Variants in JCAD observed in about 807,000 individuals in gnomAD.
JCAD encodes junctional cadherin 5 associated.
JCAD carries 40 observed loss-of-function variants against 98.0 expected under a neutral mutation model. The ratio of observed to expected loss-of-function variants is 0.41; its 90% CI spans 0.32 to 0.53. The LOEUF (loss-of-function observed/expected upper bound fraction) is 0.53, where lower values mean the gene tolerates loss of function less well. Ranked by LOEUF, JCAD falls within the 20% of genes least tolerant of loss-of-function variation. The pLI, the probability that JCAD is intolerant of heterozygous loss-of-function variation, is 0.31. For synonymous variants in JCAD, 691 were observed against 682.3 expected (o/e 1.01, Z -0.20); for missense variants, 1,705 against 1,738.1 (o/e 0.98, Z 0.34).
At position 30,082,870 on chromosome 10, in the gene JCAD, A is replaced by C. The variant is rs1043250715; in HGVS notation, n.129-13049T>G. Reference sequence around the variant, plus strand: ...CTGTCTCAAAAAAAAAAAAAAAAAAAAAAAAAACAAAAAATTAGCTGGGTG... The same window carrying C: ...CTGTCTCAAAAAAAAAAAAAAAAAACAAAAAAACAAAAAATTAGCTGGGTG... On this transcript the variant is annotated intron_variant and non_coding_transcript_variant, in intron 1 of 2. Transcript: ENST00000465712. Among the ~76,000 whole-genome samples the C allele has an allele frequency of 1.1e-3, 166 of 148,478 alleles. 1 individual carries two copies. Among genetic ancestry groups the C allele is most frequent in the African/African-American group, 2.5e-3 (100 of 39,656 alleles).
rs201825224 is a variant in JCAD at position 30,028,913 on chromosome 10, C to T, written c.1235G>A (p.Arg412Gln). ...RLPQGLPAHP[R>Q]PVTAYDGFVQ... ...GAAGCCGTCATAGGCAGTGACAGGT[C>T]GGGGATGTGCGGGGAGCCCCTGAGG... is the stretch of plus-strand genomic sequence containing the variant. The change falls in exon 3 of 4, where the codon CGA becomes CAA. Residue 412 changes from arginine to glutamine, a missense_variant. Transcript: ENST00000375377. The T allele has an allele frequency of 2.3e-4, 377 of 1,614,044 alleles. 1 individual carries two copies. In the African/African-American group the frequency reaches 4.5e-3, roughly 19 times the overall value.
intron 1 of JCAD, among the ~76,000 whole-genome samples, chr10:30,111,297 AT>A (rs932227915): frequency 1.3e-4 from 19 of 151,992 alleles, no homozygotes; most frequent in African/African-American, 4.1e-4. Flanking sequence ...CTTCAAAAAA[AT>A]TTTTTTTAGA....
chr10:30,018,866 A>T (rs1235206251), intron 3 of JCAD, among the ~76,000 whole-genome samples: 1 of 152,204 alleles, frequency 6.6e-6, no homozygotes, highest in African/African-American at 2.4e-5. Flanking sequence ...TCCTCAAAAA[A>T]ATTAAAAATA....
chr10:30,113,695 T>G (rs763960610), intron 1 of JCAD, among the ~76,000 whole-genome samples: 10 of 149,990 alleles, frequency 6.7e-5, no homozygotes, highest in Admixed American at 1.3e-4. Context: ...CCTCCACCTC[T>G]CTTCACCTAG....
chr10:30,073,582 G>A (rs578142318), intron 1 of JCAD, among the ~76,000 whole-genome samples: 1 of 152,118 alleles, frequency 6.6e-6, no homozygotes, highest in Non-Finnish European at 1.5e-5. Flanking sequence ...AGAGATGGAA[G>A]GTGATTAAGA....
chr10:30,017,811 T>C lies in JCAD; in HGVS notation c.*72A>G. 1 of 1,384,770 alleles carries C rather than the reference T, an allele frequency of 7.2e-7. No individual in the cohort carries two copies. The highest frequency in any genetic ancestry group is 1.2e-5 in the South Asian group (1 of 85,790). 85.8% of individuals were successfully genotyped at this position (1,384,770 alleles called of 1,614,324 possible). ...CAGCTTCTACATGGGGAAGTGGGGC[T>C]GATAGACTAAATCTACCAGCTACTT... is the stretch of plus-strand genomic sequence containing the variant. On this transcript the variant is annotated 3_prime_UTR_variant, in exon 4 of 4. Transcript: ENST00000375377.
At chr10:30,104,375 C>A (rs1313744121) in intron 1 of JCAD, among the ~76,000 whole-genome samples, 1 of 152,176 alleles carries the variant, frequency 6.6e-6, no homozygotes, top group Admixed American at 6.5e-5. Flanking sequence ...TACATATACA[C>A]CATGGAACAC....
At chr10:30,059,989 C>G (rs947313019), upstream of JCAD, among the ~76,000 whole-genome samples, 4 of 152,094 alleles carry the variant, frequency 2.6e-5, no homozygotes, top group East Asian at 5.8e-4. This position sits in a 1 kb window ranked among gnomAD's most constrained non-coding sequence, Gnocchi z 5.0. Flanking sequence ...CAGACAAGTG[C>G]ACACACACTC....
chr10:30,026,374 G>A lies in JCAD; in HGVS notation c.3774C>T (p.Arg1258=). ...ASPPRRADPD[R]LMRMKEVSSV... ...AGCTCACCTCTTTCATTCTCATCAGGCGGTCAGGGTCTGCTCTCCTAGGCG... is the reference window on the plus strand; with the variant it reads ...AGCTCACCTCTTTCATTCTCATCAGACGGTCAGGGTCTGCTCTCCTAGGCG... Residue 1258 remains arginine, a synonymous_variant, in exon 3 of 4, where the codon CGC becomes CGT. Coordinates refer to ENST00000375377, the MANE Select transcript of JCAD (RefSeq NM_020848.4). 2 of 1,614,202 alleles carry A rather than the reference G, an allele frequency of 1.2e-6. No homozygotes were observed. Among genetic ancestry groups the A allele is most frequent in the South Asian group, 2.2e-5 (2 of 91,084 alleles).
In JCAD at chr10:30,104,162, C is replaced by T. The variant is rs1036819217; in HGVS notation, n.128+11205G>A. 2.3e-4 allele frequency among the ~76,000 whole-genome samples: 35 copies of T among 152,074 alleles called. 1 individual carries two copies. The highest frequency in any genetic ancestry group is 1.8e-3 in the Admixed American group (27 of 15,252). On this transcript the variant is annotated intron_variant and non_coding_transcript_variant, in intron 1 of 2. Coordinates refer to the JCAD transcript ENST00000465712. ...GGAAAAGGAAAATGATTTCAGAGGT[C>T]GTGGAGCGTAAGTCCTGAGAGGGTT...
intron 2 of JCAD, 59 bp downstream of exon 2, chr10:30,047,473 A>G: frequency 1.9e-6 from 3 of 1,554,180 alleles, no homozygotes; most frequent in Non-Finnish European, 2.6e-6. Context: ...TTACCTACAC[A>G]TCACCCACCG....
rs140394444 is a variant in JCAD at position 30,053,822 on chromosome 10, C to T, written c.-60+5660G>A. ...TCACACTTGTAATCCCAGCACTTTGCGAGGCTGAGGTGGGCAGACCACCCG... is the reference window on the plus strand; with the variant it reads ...TCACACTTGTAATCCCAGCACTTTGTGAGGCTGAGGTGGGCAGACCACCCG... On this transcript the variant is annotated intron_variant, in intron 1 of 3. Coordinates refer to ENST00000375377, the MANE Select transcript of JCAD (RefSeq NM_020848.4). 1.0e-2 allele frequency among the ~76,000 whole-genome samples: 1,507 copies of T among 151,366 alleles called. 29 individuals are homozygous for T. Among genetic ancestry groups the T allele is most frequent in the African/African-American group, 0.035 (1,444 of 41,316 alleles).
upstream of JCAD, among the ~76,000 whole-genome samples, chr10:30,061,979 T>A (rs79600366): frequency 5.3e-3 from 802 of 152,324 alleles, 4 homozygotes; most frequent in South Asian, 0.017. Flanking sequence ...GAGATTAGGA[T>A]GTGTTTCCCC....
At chr10:30,097,196 G>A (rs976820739) in intron 1 of JCAD, among the ~76,000 whole-genome samples, 1 of 152,052 alleles carries the variant, frequency 6.6e-6, no homozygotes, top group African/African-American at 2.4e-5. Context: ...CATAACTAAG[G>A]GCTGAATTTT....
At chr10:30,076,092 G>A (rs1837975774) in intron 1 of JCAD, among the ~76,000 whole-genome samples, 2 of 151,340 alleles carry the variant, frequency 1.3e-5, no homozygotes, top group Non-Finnish European at 2.9e-5. Flanking sequence ...GGCATGATCT[G>A]GGCTCACTGC....
intron 1 of JCAD, among the ~76,000 whole-genome samples, chr10:30,077,358 C>A (rs1304703304): frequency 6.6e-6 from 1 of 152,114 alleles, no homozygotes. Flanking sequence ...CTCACTGCAG[C>A]CTCTGCCTCC....
At chr10:30,058,937 AG>A (rs1212624890) in intron 1 of JCAD, among the ~76,000 whole-genome samples, 3 of 151,934 alleles carry the variant, frequency 2.0e-5, no homozygotes, top group Admixed American at 1.3e-4. Context: ...CCGCGGCGGG[AG>A]CCCCCCACCG....
intron 1 of JCAD, among the ~76,000 whole-genome samples, chr10:30,107,819 T>C (rs1327766579): frequency 1.3e-5 from 2 of 152,076 alleles, no homozygotes; most frequent in Non-Finnish European, 2.9e-5. Context: ...AGGAAGTCAA[T>C]CCTGAAGCCC....
chr10:30,058,118 C>T (rs963257127), intron 1 of JCAD, among the ~76,000 whole-genome samples: 29 of 152,186 alleles, frequency 1.9e-4, no homozygotes, highest in Non-Finnish European at 3.4e-4. Context: ...CCATCAGGCC[C>T]CTTCCCCCAA....
Sources: allele counts gnomAD v4.1 joint callset (sites outside exome capture counted in the v4.1 genomes callset), GRCh38; gene constraint gnomAD v4.1.1; non-coding constraint Gnocchi (gnomAD v3.1); transcripts MANE v1.5; gene names NCBI Gene and HGNC (gene_info 2026-07-23, HGNC 2026-07-21).